Variants in EYS observed in about 807,000 individuals in gnomAD.
EYS encodes protein eyes shut homolog.
A neutral mutation model predicts 282.1 loss-of-function variants in EYS; 250 were observed. The ratio of observed to expected loss-of-function variants is 0.89; its 90% CI spans 0.80 to 0.98. EYS has a LOEUF of 0.98. Among genes scored for constraint, EYS ranks in the 50% least tolerant of loss-of-function variants. The probability of loss-of-function intolerance (pLI) is 0.00; values close to 1 mark genes in which losing one functional copy is unlikely to be tolerated. For synonymous variants in EYS, 1,355 were observed against 1,282.9 expected, an observed-to-expected ratio of 1.06 and a Z score of -1.20; for missense variants, 4,016 against 3,709.0, an observed-to-expected ratio of 1.08 and a Z score of -2.15.
intron 5 of EYS, among the ~76,000 whole-genome samples, chr6:65,477,895 ACT>A (rs1396111514): frequency 6.6e-6 from 1 of 152,070 alleles, no homozygotes; most frequent in Non-Finnish European, 1.5e-5. Context: ...CTCAAATATA[ACT>A]CTGTGATTTC....
At chr6:64,235,534 G>C (rs566742749) in intron 30 of EYS, among the ~76,000 whole-genome samples, 1 of 152,202 alleles carries the variant, frequency 6.6e-6, no homozygotes, top group Non-Finnish European at 1.5e-5. Flanking sequence ...ATTGTGAATA[G>C]TGCTGCAAAA....
At chr6:64,292,866 C>T (rs1452656917) in intron 30 of EYS, among the ~76,000 whole-genome samples, 1 of 152,092 alleles carries the variant, frequency 6.6e-6, no homozygotes, top group South Asian at 2.1e-4. Flanking sequence ...ATGCAATACT[C>T]TGTGGTCAGT....
intron 2 of EYS, among the ~76,000 whole-genome samples, chr6:65,617,659 G>C (rs1024544157): frequency 6.7e-6 from 1 of 150,252 alleles, no homozygotes. Flanking sequence ...CCACTAACTC[G>C]TCATCTAGCA....
At chr6:65,266,907 TAC>T (rs1554173014) in intron 12 of EYS, among the ~76,000 whole-genome samples, 1 of 147,768 alleles carries the variant, frequency 6.8e-6, no homozygotes. Flanking sequence ...TATATATATA[TAC>T]ATCTTGAGAC....
At chr6:64,673,461 T>G (rs1583024866) in intron 22 of EYS, among the ~76,000 whole-genome samples, 2 of 152,252 alleles carry the variant, frequency 1.3e-5, no homozygotes, top group East Asian at 3.9e-4. Context: ...TAAAATATCC[T>G]AGTGCCACAA....
chr6:64,966,331 G>C (rs963501555), intron 14 of EYS, among the ~76,000 whole-genome samples: 11 of 151,896 alleles, frequency 7.2e-5, no homozygotes, highest in African/African-American at 2.4e-4. Flanking sequence ...ATTGGTGTTG[G>C]GGGGGGTATT....
At chr6:63,793,727 T>C (rs1770574261) in intron 37 of EYS, among the ~76,000 whole-genome samples, 1 of 152,182 alleles carries the variant, frequency 6.6e-6, no homozygotes, top group Non-Finnish European at 1.5e-5. Context: ...TCTCCCTGCT[T>C]TTTGAACAAG....
At chr6:64,071,102 T>C (rs947076223) in intron 32 of EYS, among the ~76,000 whole-genome samples, 1 of 152,048 alleles carries the variant, frequency 6.6e-6, no homozygotes, top group Non-Finnish European at 1.5e-5. Flanking sequence ...AGCAAGACTA[T>C]GTAGAAACCT....
intron 2 of EYS, among the ~76,000 whole-genome samples, chr6:65,574,416 A>C (rs1764586505): frequency 6.6e-6 from 1 of 152,212 alleles, no homozygotes; most frequent in Non-Finnish European, 1.5e-5. Flanking sequence ...GTACACTGAG[A>C]GTGAAAGAAT....
At chr6:64,441,768 C>T (rs545675632) in intron 26 of EYS, among the ~76,000 whole-genome samples, 101 of 152,314 alleles carry the variant, frequency 6.6e-4, no homozygotes, top group African/African-American at 2.2e-3. Flanking sequence ...TCTCTGCCTG[C>T]TGCCATCCAT....
chr6:65,653,244 G>A (rs1767715654), intron 1 of EYS, among the ~76,000 whole-genome samples: 1 of 151,456 alleles, frequency 6.6e-6, no homozygotes, highest in Non-Finnish European at 1.5e-5. Context: ...GAAAATACAA[G>A]ATTATCAGTC....
intron 20 of EYS, 102 bp from the exon 21 acceptor site, chr6:64,821,825 A>G (rs188668149): frequency 3.1e-6 from 2 of 636,078 alleles, no homozygotes; most frequent in Non-Finnish European, 5.4e-6. Flanking sequence ...GTTCAGGTGA[A>G]AAAAGCACTC....
intron 1 of EYS, among the ~76,000 whole-genome samples, chr6:65,660,170 G>A (rs1338140715): frequency 6.6e-6 from 1 of 151,786 alleles, no homozygotes; most frequent in Admixed American, 6.6e-5. Flanking sequence ...CTGTGCAAAT[G>A]TAAAAAATCA....
chr6:64,865,142 A>G (rs1236219341), intron 19 of EYS, among the ~76,000 whole-genome samples: 2 of 152,204 alleles, frequency 1.3e-5, no homozygotes, highest in African/African-American at 4.8e-5. Flanking sequence ...TTTATTCAAA[A>G]GCCAATTATC....
chr6:63,946,117 G>A (rs1318406433), intron 35 of EYS, among the ~76,000 whole-genome samples: 2 of 152,146 alleles, frequency 1.3e-5, no homozygotes, highest in Non-Finnish European at 2.9e-5. Flanking sequence ...CTCAAGCTCA[G>A]GGCTCTGACG....
At chr6:64,798,606 G>GTTT in intron 22 of EYS, among the ~76,000 whole-genome samples, 1 of 115,368 alleles carries the variant, frequency 8.7e-6, no homozygotes, top group Non-Finnish European at 1.8e-5. Context: ...CTTTGTTTCT[G>GTTT]GTTTTTTTTT....
At chr6:64,741,346 A>G (rs1008159425) in intron 22 of EYS, among the ~76,000 whole-genome samples, 2 of 152,184 alleles carry the variant, frequency 1.3e-5, no homozygotes, top group Non-Finnish European at 2.9e-5. Context: ...CAAACTGTAA[A>G]CAAATGTGCT....
intron 13 of EYS, among the ~76,000 whole-genome samples, chr6:65,045,582 T>A (rs888094135): frequency 5.3e-5 from 8 of 151,860 alleles, no homozygotes; most frequent in Non-Finnish European, 1.2e-4. Flanking sequence ...TTCTGCCATG[T>A]CAGGTTACAG....
intron 5 of EYS, among the ~76,000 whole-genome samples, chr6:65,457,378 T>C (rs1764664960): frequency 6.6e-6 from 1 of 152,040 alleles, no homozygotes; most frequent in Non-Finnish European, 1.5e-5. Flanking sequence ...TTGCCCAAGC[T>C]GGTCTCAAAT....
Sources: gnomAD v4.1 joint callset for allele counts (sites outside exome capture counted in the v4.1 genomes callset) on GRCh38, gnomAD v4.1.1 for gene constraint, MANE v1.5 for transcripts, NCBI Gene and HGNC (gene_info 2026-07-23, HGNC 2026-07-21) for gene names.